DMKN: variants seen among roughly 807,000 people sequenced by gnomAD.
DMKN encodes the protein dermokine.
In DMKN, 58 loss-of-function variants were observed where a neutral mutation model predicts 67.6. The ratio of observed to expected loss-of-function variants is 0.86; its 90% CI spans 0.69 to 1.07. The LOEUF (loss-of-function observed/expected upper bound fraction) is 1.07. DMKN is among the 50% of genes least tolerant of loss of function. DMKN has a pLI of 0.00. For synonymous variants in DMKN, 240 were observed against 232.3 expected (o/e 1.03, Z -0.30); for missense variants, 596 against 601.5 (o/e 0.99, Z 0.10).
intron 4 of DMKN, 27 bp downstream of exon 4, chr19:35,511,736 A>G (rs767708875): frequency 4.4e-6 from 7 of 1,606,368 alleles, no homozygotes; most frequent in South Asian, 1.1e-5. Context: ...CTGGTGCACA[A>G]CTCCTGGGTT....
At chr19:35,505,631 GC>G (rs1386084997) in intron 9 of DMKN, 86 bp downstream of exon 9, 1 of 1,567,310 alleles carries the variant, frequency 6.4e-7, no homozygotes, top group African/African-American at 1.4e-5. Flanking sequence ...TTCCTCAGTG[GC>G]CAGCATCACT....
intron 5 of DMKN, among the ~76,000 whole-genome samples, chr19:35,511,093 C>T (rs2146205612): frequency 6.6e-6 from 1 of 152,340 alleles, no homozygotes; most frequent in East Asian, 1.9e-4. Context: ...CGCCACCCCA[C>T]GGTCTCCTGA....
intron 12 of DMKN, 139 bp downstream of exon 12, chr19:35,500,394 G>A (rs2068153982): frequency 1.3e-6 from 2 of 1,551,820 alleles, no homozygotes; most frequent in Non-Finnish European, 1.7e-6. Flanking sequence ...AGTTACAGCT[G>A]CCACCTCCTG....
chr19:35,501,698 A>T (rs2068392916), intron 11 of DMKN: 2 of 1,007,444 alleles, frequency 2.0e-6, no homozygotes, highest in Admixed American at 5.9e-5. Context: ...CCTCCACTAG[A>T]CAGGGACCTG....
In DMKN at chr19:35,507,590, C is replaced by T. The variant is rs754893334; in HGVS notation, c.1039-1604G>A. 146 of 1,255,492 alleles carry T rather than the reference C, an allele frequency of 1.2e-4. 1 individual carries two copies. The highest frequency in any genetic ancestry group is 6.5e-4 in the Middle Eastern group (3 of 4,620). The allele number at this position is 1,255,492 out of a possible 1,614,324, so 77.8% of individuals were successfully genotyped here. On this transcript the variant is annotated intron_variant, in intron 7 of 15. Transcript: ENST00000339686. ...ACGAGAGGGCAAGGAAGCAGGGTGT[C>T]GGCGAGGGATTCCTGAATCGGGGGA...
At chr19:35,498,829 C>T (rs1286634781) in intron 14 of DMKN, 45 bp downstream of exon 14, 7 of 1,614,138 alleles carry the variant, frequency 4.3e-6, no homozygotes, top group Non-Finnish European at 5.9e-6. Context: ...TGGCCTCAGG[C>T]CCCTTCTCTC....
chr19:35,513,481 C>T lies in DMKN; in HGVS notation c.-6G>A, dbSNP rs2071122861. On this transcript the variant is annotated 5_prime_UTR_variant, in exon 1 of 16. Coordinates refer to ENST00000339686, the MANE Select transcript of DMKN (RefSeq NM_033317.5). ...AGGGGCCCCTGGAACTTCATCTCTG[C>T]CCAGCCCCCTCTCTCTCCAGAGTGT... is the stretch of plus-strand genomic sequence containing the variant. The T allele has an allele frequency of 6.3e-7, 1 of 1,591,474 alleles. No individual in the cohort carries two copies. Among genetic ancestry groups the T allele is most frequent in the Admixed American group, 1.7e-5 (1 of 58,608 alleles).
intron 3 of DMKN, among the ~76,000 whole-genome samples, chr19:35,512,148 C>G (rs985416743): frequency 6.6e-6 from 1 of 152,120 alleles, no homozygotes; most frequent in African/African-American, 2.4e-5. Context: ...CAGGCGCATG[C>G]CACTATGACC....
At chr19:35,503,362 G>A (rs2068758341) in intron 9 of DMKN, 6 of 1,548,358 alleles carry the variant, frequency 3.9e-6, no homozygotes, top group East Asian at 2.4e-5. Context: ...TGAGAGGGTG[G>A]TGTTTTAAGG....
At chr19:35,509,092 G>T (rs2070190526) in intron 7 of DMKN, among the ~76,000 whole-genome samples, 1 of 152,000 alleles carries the variant, frequency 6.6e-6, no homozygotes, top group Non-Finnish European at 1.5e-5. Context: ...GTGGTGGCTG[G>T]CGTCTGTAAT....
At chr19:35,510,977 C>T (rs975187704) in intron 5 of DMKN, among the ~76,000 whole-genome samples, 5 of 152,138 alleles carry the variant, frequency 3.3e-5, no homozygotes, top group African/African-American at 1.2e-4. Context: ...TCGTCTGCAC[C>T]GTCGCTCTGT....
At chr19:35,505,644 T>A in intron 9 of DMKN, 74 bp downstream of exon 9, 1 of 1,597,358 alleles carries the variant, frequency 6.3e-7, no homozygotes, top group South Asian at 1.1e-5. Context: ...AGCATCACTG[T>A]TTCCCCAGCT....
At chr19:35,502,105 T>C in intron 11 of DMKN, 31 bp downstream of exon 11, 1 of 1,614,002 alleles carries the variant, frequency 6.2e-7, no homozygotes, top group Middle Eastern at 1.7e-4. Context: ...GAACCCTGTG[T>C]CCCAGAGCTG....
rs2070489241 is a variant in DMKN, at chr19:35,512,632, T to C, written c.585A>G (p.Gln195=). The part of the protein sequence containing the change: ...GMNPQGAPWG[Q]GGNGGPPNFG... ...AGTTTGGTGGCCCTCCATTGCCTCC[T>C]TGACCCCAGGGAGCTCCCTGAGGAT... Residue 195 remains glutamine, a synonymous_variant, in exon 2 of 16, where the codon CAA becomes CAG. Transcript: ENST00000339686. 1 of 1,614,054 alleles carries C rather than the reference T, an allele frequency of 6.2e-7. No homozygotes were observed. Among genetic ancestry groups the C allele is most frequent in the African/African-American group, 1.3e-5 (1 of 74,936 alleles).
At chr19:35,500,614 C>T (rs79152633) in intron 11 of DMKN, 34 bp from the exon 12 acceptor site, 74,465 of 1,590,176 alleles carry the variant, frequency 0.047, 1,953 homozygotes, top group Middle Eastern at 0.058. Flanking sequence ...TTCGTGCCTC[C>T]GCAGTCGTGC....
Position 35,513,465 on chromosome 19 carries a change from T to C in DMKN, c.11A>G (p.Gln4Arg), listed in dbSNP as rs769508856. 6.3e-7 allele frequency: 1 copy of C among 1,596,914 alleles called. No homozygotes were observed. The highest frequency in any genetic ancestry group is 1.1e-5 in the South Asian group (1 of 90,846). MKF[Q>R]GPLACLLLAL... is the part of the protein sequence containing the mutation. ...CAGCAGGAGGCAGGCCAGGGGCCCCTGGAACTTCATCTCTGCCCAGCCCCC... is the reference window on the plus strand; with the variant it reads ...CAGCAGGAGGCAGGCCAGGGGCCCCCGGAACTTCATCTCTGCCCAGCCCCC... Residue 4 changes from glutamine to arginine, a missense_variant, in exon 1 of 16, where the codon CAG becomes CGG. Physicochemically the swap from Gln to Arg is conservative, Grantham distance 43. Coordinates refer to ENST00000339686, the MANE Select transcript of DMKN (RefSeq NM_033317.5).
At chr19:35,498,240 A>T (rs894115090) in intron 15 of DMKN, 15 of 168,828 alleles carry the variant, frequency 8.9e-5, no homozygotes, top group Non-Finnish European at 1.5e-4. Flanking sequence ...AGCTCAGGTG[A>T]TTCTCCCACC....
At chr19:35,510,640 C>T in intron 5 of DMKN, 1 of 1,290,664 alleles carries the variant, frequency 7.7e-7, no homozygotes, top group South Asian at 1.5e-5. Flanking sequence ...CCAGAACTGC[C>T]CTAGATGGGG....
intron 5 of DMKN, chr19:35,510,470 T>C: frequency 6.4e-7 from 1 of 1,551,698 alleles, no homozygotes; most frequent in Non-Finnish European, 8.7e-7. Context: ...AACTACGCAA[T>C]GATTTGGAGA....
Sources: gnomAD v4.1 joint callset for allele counts (sites outside exome capture counted in the v4.1 genomes callset) on GRCh38, gnomAD v4.1.1 for gene constraint, MANE v1.5 for transcripts, NCBI Gene and HGNC (gene_info 2026-07-23, HGNC 2026-07-21) for gene names.